Variants in LMOD1 observed in about 807,000 individuals in gnomAD.
The protein encoded by LMOD1 is leiomodin-1.
A neutral mutation model predicts 36.5 loss-of-function variants in LMOD1; 8 were observed. That is an observed-to-expected ratio of 0.22 (90% CI 0.13 to 0.40). LMOD1 has a LOEUF of 0.40. Ranked by LOEUF, LMOD1 falls within the 10% of genes least tolerant of loss-of-function variation. The pLI is 1.00. For synonymous variants in LMOD1, 284 were observed against 288.7 expected (o/e 0.98, Z 0.17); for missense variants, 630 against 751.1 (o/e 0.84, Z 1.88).
At chr1:201,927,703 G>T (rs549664069) in intron 1 of LMOD1, among the ~76,000 whole-genome samples, 1 of 152,306 alleles carries the variant, frequency 6.6e-6, no homozygotes, top group South Asian at 2.1e-4. Flanking sequence ...TAGGTGAGAT[G>T]ATCCACCTTG....
At chr1:201,923,545 A>G (rs1353464640) in intron 1 of LMOD1, among the ~76,000 whole-genome samples, 1 of 151,810 alleles carries the variant, frequency 6.6e-6, no homozygotes, top group African/African-American at 2.4e-5. Context: ...ACATAGTGAG[A>G]CCCTGTCTAT....
intron 1 of LMOD1, among the ~76,000 whole-genome samples, chr1:201,901,538 ATATATATATATATACATATATATATG>A (rs1558234632): frequency 0.046 from 2,480 of 53,524 alleles, 316 homozygotes; most frequent in African/African-American, 0.16. Flanking sequence ...ATGTATATAT[ATATATATATATATACATATATATATG>A]TATATATATA....
chr1:201,921,121 G>A (rs900871672), intron 1 of LMOD1, among the ~76,000 whole-genome samples: 3 of 151,874 alleles, frequency 2.0e-5, no homozygotes, highest in Non-Finnish European at 2.9e-5. Context: ...TATGGAGCGG[G>A]GAGATGAGGG....
intron 1 of LMOD1, among the ~76,000 whole-genome samples, chr1:201,922,914 T>C (rs1681730258): frequency 6.6e-6 from 1 of 151,988 alleles, no homozygotes; most frequent in Admixed American, 6.6e-5. Context: ...AACCTTCGCT[T>C]CCTGGGTTCA....
intron 1 of LMOD1, among the ~76,000 whole-genome samples, chr1:201,912,260 C>A (rs1005549854): frequency 6.6e-6 from 1 of 152,174 alleles, no homozygotes; most frequent in Non-Finnish European, 1.5e-5. Flanking sequence ...ATTGTCCCTT[C>A]GCACAGGCAT....
intron 1 of LMOD1, among the ~76,000 whole-genome samples, chr1:201,930,636 A>G (rs148102421): frequency 1.1e-4 from 17 of 152,318 alleles, no homozygotes; most frequent in Admixed American, 8.5e-4. Flanking sequence ...CAACTGAATG[A>G]TCTAGAACTC....
In LMOD1 at chr1:201,897,226, G is replaced by A. The variant is rs370817481; in HGVS notation, c.*1146C>T. The stretch of plus-strand genomic sequence containing the variant: ...TAGTCACTCCACTTCTCTGCCTGCC[G>A]CCTTCCTGGGCCTGTGACTGCTGTG... On this transcript the variant is annotated 3_prime_UTR_variant, in exon 3 of 3. Transcript: ENST00000367288. 63 of 180,380 alleles carry A rather than the reference G, an allele frequency of 3.5e-4. No individual in the cohort carries two copies. The highest frequency in any genetic ancestry group is 1.2e-3 in the African/African-American group (51 of 42,386). 11.2% of individuals were successfully genotyped at this position (180,380 alleles called of 1,614,324 possible).
Position 201,904,584 on chromosome 1 carries a change from C to T in LMOD1, c.262-3833G>A, listed in dbSNP as rs564240735. 9.2e-5 allele frequency among the ~76,000 whole-genome samples: 14 copies of T among 152,320 alleles called. 1 individual carries two copies. In the South Asian group the frequency reaches 2.9e-3, roughly 32 times the overall value. On this transcript the variant is annotated intron_variant, in intron 1 of 2. Coordinates refer to ENST00000367288, the MANE Select transcript of LMOD1 (RefSeq NM_012134.3). ...CTTTATCCTAATCCAGGACTACTCC[C>T]CACTCCTTCCTAGTTACCTCCCCTA...
Position 201,896,902 on chromosome 1 carries a change from ACCTCAAAGATGGTGAAACTGCTGTG to A in LMOD1, c.*1445_*1469del, listed in dbSNP as rs1226998007. 2.8e-5 allele frequency: 10 copies of A among 354,800 alleles called. No homozygotes were observed. The Admixed American group carries it at 3.3e-4, about 12-fold the overall frequency. 22.0% of individuals were successfully genotyped at this position (354,800 alleles called of 1,614,324 possible). A position where few individuals can be genotyped will look rare whatever the true frequency, so the allele number is the denominator to read the frequency against. ...TTCCTAGCTGGGGCACCCCACCCTC[ACCTCAAAGATGGTGAAACTGCTGTG>A]CCTCCTGCTGTTGAGGCAACCTGGA... On this transcript the variant is annotated 3_prime_UTR_variant, in exon 3 of 3. Transcript: ENST00000367288.
At chr1:201,916,726 C>A (rs1348913150) in intron 1 of LMOD1, among the ~76,000 whole-genome samples, 2 of 152,120 alleles carry the variant, frequency 1.3e-5, no homozygotes, top group African/African-American at 4.8e-5. Flanking sequence ...GTCTTCAGCC[C>A]GGCTGTGCTG....
chr1:201,922,727 A>C (rs139179313), intron 1 of LMOD1, among the ~76,000 whole-genome samples: 9 of 149,606 alleles, frequency 6.0e-5, no homozygotes, highest in Non-Finnish European at 5.9e-5. Flanking sequence ...ATTGTTATAT[A>C]TAATATAATA....
rs1043744494 is a variant in LMOD1, at chr1:201,935,827, G to A, written c.261+10253C>T. On this transcript the variant is annotated intron_variant, in intron 1 of 2. Coordinates refer to ENST00000367288, the MANE Select transcript of LMOD1 (RefSeq NM_012134.3). Reference sequence around the variant, plus strand: ...CCGCCTCAGCTTCCCAAAGTGCTGGGATTACAGGCATGAGCCACCACACCT... The same window carrying A: ...CCGCCTCAGCTTCCCAAAGTGCTGGAATTACAGGCATGAGCCACCACACCT... 4.0e-4 allele frequency among the ~76,000 whole-genome samples: 60 copies of A among 151,570 alleles called. 1 individual carries two copies. The highest frequency in any genetic ancestry group is 6.8e-4 in the Non-Finnish European group (46 of 67,902).
intron 1 of LMOD1, among the ~76,000 whole-genome samples, chr1:201,906,300 C>G (rs1012102129): frequency 8.5e-5 from 13 of 152,202 alleles, no homozygotes; most frequent in Non-Finnish European, 2.9e-5. Flanking sequence ...GTCCCACTCT[C>G]ATGCACAAAC....
In LMOD1 at chr1:201,924,796, C is replaced by T. The variant is rs550136244; in HGVS notation, c.261+21284G>A. 1.3e-4 allele frequency among the ~76,000 whole-genome samples: 20 copies of T among 151,784 alleles called. No homozygotes were observed. The South Asian group carries it at 4.2e-3, about 32-fold the overall frequency. On this transcript the variant is annotated intron_variant, in intron 1 of 2. Transcript: ENST00000367288. The stretch of plus-strand genomic sequence containing the variant: ...TCGTAGCTACTTGGGAGGCTGAGGC[C>T]GGAGGATGAAGCCAGGAGTTCAAGG...
intron 1 of LMOD1, among the ~76,000 whole-genome samples, chr1:201,916,013 C>G (rs972173975): frequency 6.6e-6 from 1 of 151,918 alleles, no homozygotes. Flanking sequence ...TGACTTCCTC[C>G]AGCTTGTGAT....
chr1:201,930,360 G>T (rs1681896991), intron 1 of LMOD1, among the ~76,000 whole-genome samples: 1 of 151,994 alleles, frequency 6.6e-6, no homozygotes, highest in Non-Finnish European at 1.5e-5. Flanking sequence ...AGTAATAGAA[G>T]TTGAATTGCG....
At chr1:201,929,356 A>G (rs1219229895) in intron 1 of LMOD1, among the ~76,000 whole-genome samples, 1 of 151,762 alleles carries the variant, frequency 6.6e-6, no homozygotes, top group Non-Finnish European at 1.5e-5. Flanking sequence ...TGCTGGGATT[A>G]CAGGCATGAG....
At chr1:201,916,231 G>A (rs1014689293) in intron 1 of LMOD1, among the ~76,000 whole-genome samples, 6 of 152,158 alleles carry the variant, frequency 3.9e-5, no homozygotes, top group Admixed American at 1.3e-4. Context: ...CTACTTTTAT[G>A]ATCAGAAAAA....
chr1:201,908,645 C>T (rs2102913229), intron 1 of LMOD1, among the ~76,000 whole-genome samples: 1 of 152,218 alleles, frequency 6.6e-6, no homozygotes, highest in African/African-American at 2.4e-5. Context: ...TCCGAGACTA[C>T]TGACAGCACT....
Sources: gnomAD v4.1 joint callset for allele counts (sites outside exome capture counted in the v4.1 genomes callset) on GRCh38, gnomAD v4.1.1 for gene constraint, MANE v1.5 for transcripts, NCBI Gene and HGNC (gene_info 2026-07-23, HGNC 2026-07-21) for gene names.